The following VPS53 variants were observed in gnomAD, a reference collection of about 807,000 sequenced individuals.
VPS53 encodes the protein VPS53 subunit of GARP complex.
VPS53 carries 70 observed loss-of-function variants against 107.0 expected under a neutral mutation model. That is an observed-to-expected ratio of 0.65 (90% CI 0.54 to 0.80). The LOEUF (loss-of-function observed/expected upper bound fraction) is 0.80. Among genes scored for constraint, VPS53 ranks in the 30% least tolerant of loss-of-function variants. VPS53 has a pLI of 0.00. For missense variants in VPS53, 917 were observed against 1,049.4 expected (o/e 0.87, Z 1.74); for synonymous variants, 409 against 393.3 (o/e 1.04, Z -0.47).
intron 6 of VPS53, among the ~76,000 whole-genome samples, chr17:654,710 C>G (rs1356856258): frequency 1.4e-5 from 2 of 138,004 alleles, no homozygotes; most frequent in Non-Finnish European, 3.0e-5. Context: ...GCACTCCAGC[C>G]TGGGCGACAG....
intron 17 of VPS53, among the ~76,000 whole-genome samples, chr17:545,847 T>C (rs1224846414): frequency 6.6e-6 from 1 of 152,178 alleles, no homozygotes; most frequent in Non-Finnish European, 1.5e-5. Flanking sequence ...GAAATAAATA[T>C]GCTCTGGCTG....
intron 13 of VPS53, among the ~76,000 whole-genome samples, chr17:571,609 G>A (rs932500197): frequency 2.6e-5 from 4 of 151,506 alleles, no homozygotes; most frequent in African/African-American, 7.3e-5. Context: ...GCTGGACTGT[G>A]CTGCTGCCAT....
intron 13 of VPS53, among the ~76,000 whole-genome samples, chr17:574,337 C>A (rs142572127): frequency 6.6e-6 from 1 of 152,164 alleles, no homozygotes; most frequent in African/African-American, 2.4e-5. Flanking sequence ...GTATCATGAA[C>A]AATGAGTATA....
intron 19 of VPS53, among the ~76,000 whole-genome samples, chr17:526,056 TGCTGA>T (rs936857061): frequency 2.0e-5 from 3 of 151,854 alleles, no homozygotes; most frequent in African/African-American, 7.3e-5. Context: ...TTACATATTT[TGCTGA>T]GCTGAGTAGT....
At chr17:539,440 G>A (rs1910411013) in intron 17 of VPS53, among the ~76,000 whole-genome samples, 1 of 152,226 alleles carries the variant, frequency 6.6e-6, no homozygotes, top group South Asian at 2.1e-4. Flanking sequence ...GCTAAAAGAA[G>A]TATTAGCAAA....
chr17:679,282 G>A (rs540916220), intron 4 of VPS53, among the ~76,000 whole-genome samples: 219 of 152,162 alleles, frequency 1.4e-3, no homozygotes, highest in Non-Finnish European at 2.2e-3. Context: ...TTGGGAGGCC[G>A]AGGCGCGCAG....
chr17:542,595 C>T (rs892085453), intron 17 of VPS53, among the ~76,000 whole-genome samples: 7 of 152,148 alleles, frequency 4.6e-5, no homozygotes, highest in African/African-American at 1.7e-4. Context: ...CACTAAAAAT[C>T]ACTAAATTTC....
intron 13 of VPS53, among the ~76,000 whole-genome samples, chr17:566,904 C>A (rs1012250363): frequency 6.6e-6 from 1 of 151,834 alleles, no homozygotes; most frequent in Non-Finnish European, 1.5e-5. Flanking sequence ...CCACCACAAC[C>A]GGCTAATTTT....
intron 13 of VPS53, among the ~76,000 whole-genome samples, chr17:585,884 G>A (rs770882097): frequency 3.9e-5 from 6 of 152,106 alleles, no homozygotes; most frequent in African/African-American, 7.2e-5. Context: ...TTTTTTATAA[G>A]TCTAAATTAT....
chr17:631,873 A>G (rs1462904972), intron 7 of VPS53, among the ~76,000 whole-genome samples: 7 of 151,882 alleles, frequency 4.6e-5, no homozygotes, highest in African/African-American at 1.7e-4. Flanking sequence ...CCTTTACCTG[A>G]GGTCATATGT....
chr17:592,047 C>T (rs1449666598), intron 12 of VPS53, among the ~76,000 whole-genome samples: 1 of 152,012 alleles, frequency 6.6e-6, no homozygotes, highest in African/African-American at 2.4e-5. Context: ...GTAGGTCACT[C>T]AGGACTTGCT....
At chr17:571,876 G>A (rs1475004303) in intron 13 of VPS53, among the ~76,000 whole-genome samples, 2 of 152,180 alleles carry the variant, frequency 1.3e-5, no homozygotes, top group African/African-American at 4.8e-5. Flanking sequence ...GTGCAGGGGC[G>A]TGATCTCGGC....
intron 13 of VPS53, among the ~76,000 whole-genome samples, chr17:568,255 T>A (rs1166144209): frequency 6.6e-6 from 1 of 152,112 alleles, no homozygotes; most frequent in Non-Finnish European, 1.5e-5. Flanking sequence ...TATTTATTTA[T>A]TTTTTTATTT....
intron 13 of VPS53, among the ~76,000 whole-genome samples, chr17:584,182 T>G (rs1475783250): frequency 6.6e-6 from 1 of 152,184 alleles, no homozygotes; most frequent in African/African-American, 2.4e-5. Flanking sequence ...CCCTTCCGAG[T>G]GCGTTCTTTA....
chr17:531,226 G>C (rs925801839), intron 19 of VPS53, among the ~76,000 whole-genome samples: 1 of 152,152 alleles, frequency 6.6e-6, no homozygotes, highest in African/African-American at 2.4e-5. Flanking sequence ...CAGGGGCCAC[G>C]TTGCCCTGTA....
chr17:635,939 C>G (rs1341740899), intron 7 of VPS53, among the ~76,000 whole-genome samples: 4 of 152,160 alleles, frequency 2.6e-5, no homozygotes, highest in Non-Finnish European at 4.4e-5. Context: ...TGAAGAAAGT[C>G]ATTGGTAGCT....
intron 19 of VPS53, among the ~76,000 whole-genome samples, chr17:526,777 T>C (rs1261368480): frequency 6.6e-6 from 1 of 152,158 alleles, no homozygotes; most frequent in African/African-American, 2.4e-5. Flanking sequence ...CACCCAGCAA[T>C]GGAAATCTTT....
chr17:665,245 C>T (rs574917722), intron 4 of VPS53, among the ~76,000 whole-genome samples: 2 of 152,254 alleles, frequency 1.3e-5, no homozygotes, highest in South Asian at 2.1e-4. Context: ...TGCCATGGGA[C>T]GACGCAGTGA....
At chr17:585,399 G>GT (rs1187569380) in intron 13 of VPS53, among the ~76,000 whole-genome samples, 1 of 152,214 alleles carries the variant, frequency 6.6e-6, no homozygotes, top group Non-Finnish European at 1.5e-5. Flanking sequence ...GCTCATGCCT[G>GT]TAATTCCAGC....
Sources: gnomAD v4.1 joint callset for allele counts (sites outside exome capture counted in the v4.1 genomes callset) on GRCh38, gnomAD v4.1.1 for gene constraint, MANE v1.5 for transcripts, NCBI Gene and HGNC (gene_info 2026-07-23, HGNC 2026-07-21) for gene names.